The following CTTNBP2 variants were observed in gnomAD, a reference collection of about 807,000 sequenced individuals.
CTTNBP2 encodes the protein cortactin binding protein 2.
In CTTNBP2, 108 loss-of-function variants were observed where a neutral mutation model predicts 156.9. The observed-to-expected ratio is 0.69, with a 90% CI of 0.59 to 0.81. The LOEUF is 0.81. Ranked by LOEUF, CTTNBP2 falls within the 30% of genes least tolerant of loss-of-function variation. The pLI, the probability that CTTNBP2 is intolerant of heterozygous loss-of-function variation, is 0.00. For missense variants in CTTNBP2, 1,924 were observed against 2,035.4 expected, an observed-to-expected ratio of 0.95 and a Z score of 1.05; for synonymous variants, 767 against 751.8, an observed-to-expected ratio of 1.02 and a Z score of -0.33.
intron 22 of CTTNBP2, chr7:117,715,616 T>G (rs2116330430): frequency 6.6e-6 from 1 of 152,314 alleles, no homozygotes; most frequent in African/African-American, 2.4e-5. Flanking sequence ...GATTTAAATA[T>G]GTATATTTGT....
At chr7:117,785,943 A>G (rs1023582423) in intron 4 of CTTNBP2, among the ~76,000 whole-genome samples, 6 of 152,198 alleles carry the variant, frequency 3.9e-5, no homozygotes, top group Non-Finnish European at 7.4e-5. Context: ...CCCTTTAGTA[A>G]GATACAACAG....
Position 117,792,586 on chromosome 7 carries a change from T to G in CTTNBP2, c.610A>C (p.Lys204Gln). ...DVMAKLEEEK[K>Q]KTNELEEELS... ...TCCTCTTCTAATTCATTCGTCTTTT[T>G]CTTTTCCTCTTCCAGTTTGGCCATT... The change falls in exon 4 of 23, where the codon AAA (lysine) becomes CAA (glutamine). Residue 204 changes from lysine to glutamine, a missense_variant. Lys to Gln is a moderately conservative substitution (Grantham distance 53). Transcript: ENST00000160373. The surrounding 1 kb of genome is among the most constrained non-coding windows in gnomAD (Gnocchi z 4.2). The G allele has an allele frequency of 6.2e-7, 1 of 1,614,220 alleles. No individual in the cohort carries two copies. The highest frequency in any genetic ancestry group is 1.1e-5 in the South Asian group (1 of 91,080).
In CTTNBP2 at chr7:117,760,263, G is replaced by T. The variant is rs1797127224; in HGVS notation, c.3172+172C>A. 6.6e-6 allele frequency: 4 copies of T among 602,676 alleles called. No individual in the cohort carries two copies. The Admixed American group carries it at 9.1e-5, about 14-fold the overall frequency. The allele number at this position is 602,676 out of a possible 1,614,324, so 37.3% of individuals were successfully genotyped here. ...CATAAAAGCATTTTTATATTAACAGGCAACATTACATAATGGCTACATTGT... is the reference window on the plus strand; with the variant it reads ...CATAAAAGCATTTTTATATTAACAGTCAACATTACATAATGGCTACATTGT... On this transcript the variant is annotated intron_variant, in intron 10 of 22. Transcript: ENST00000160373.
intron 2 of CTTNBP2, among the ~76,000 whole-genome samples, chr7:117,854,846 T>C (rs1047732932): frequency 6.6e-6 from 1 of 152,126 alleles, no homozygotes; most frequent in African/African-American, 2.4e-5. Context: ...GTGCAGTGGC[T>C]TGATCTTGGT....
intron 3 of CTTNBP2, among the ~76,000 whole-genome samples, chr7:117,805,199 G>A (rs758266224): frequency 2.6e-5 from 4 of 152,072 alleles, no homozygotes; most frequent in Admixed American, 6.6e-5. Context: ...GTAGAGCTAT[G>A]GGGGAATACA....
intron 2 of CTTNBP2, among the ~76,000 whole-genome samples, chr7:117,818,930 T>C (rs775166350): frequency 3.9e-5 from 6 of 152,212 alleles, no homozygotes; most frequent in Non-Finnish European, 7.3e-5. Flanking sequence ...ACAAAATCTC[T>C]GTCTCCAGCT....
intron 2 of CTTNBP2, among the ~76,000 whole-genome samples, chr7:117,844,674 G>A (rs756951487): frequency 5.3e-5 from 8 of 152,090 alleles, no homozygotes; most frequent in Non-Finnish European, 1.0e-4. Context: ...GTGGATTTGA[G>A]GAAAAACTTG....
intron 2 of CTTNBP2, among the ~76,000 whole-genome samples, chr7:117,842,088 T>A (rs1802307770): frequency 6.6e-6 from 1 of 152,152 alleles, no homozygotes; most frequent in Admixed American, 6.5e-5. Context: ...CTAACCACTG[T>A]ACATACTATA....
At chr7:117,717,321 AT>A (rs796923048) in intron 22 of CTTNBP2, among the ~76,000 whole-genome samples, 6,200 of 146,054 alleles carry the variant, frequency 0.042, 381 homozygotes, top group African/African-American at 0.14. Flanking sequence ...TAAAATTGAG[AT>A]TTTTTTTTTT....
intron 2 of CTTNBP2, among the ~76,000 whole-genome samples, chr7:117,845,653 G>A (rs1802538201): frequency 6.6e-6 from 1 of 152,174 alleles, no homozygotes. Context: ...GATGACACAG[G>A]TTTTTATAAG....
chr7:117,789,128 A>G (rs1798858230), intron 4 of CTTNBP2, among the ~76,000 whole-genome samples: 1 of 152,108 alleles, frequency 6.6e-6, no homozygotes, highest in African/African-American at 2.4e-5. Flanking sequence ...AGATTAGTAA[A>G]TCTCTGTCTT....
chr7:117,791,188 G>A lies in CTTNBP2; in HGVS notation c.2008C>T (p.Pro670Ser). Residue 670 changes from proline (P) to serine (S), a missense_variant, in exon 4 of 23, where the codon CCC becomes TCC. By Grantham distance (74) the Pro-to-Ser change is moderately conservative (BLOSUM62 -1). Coordinates refer to ENST00000160373, the MANE Select transcript of CTTNBP2 (RefSeq NM_033427.3). ...GGTCTACAGGATGAGGCACTAACGGGGTTTATGGAAGAGCAAAAGGCAATG... is the reference window on the plus strand; with the variant it reads ...GGTCTACAGGATGAGGCACTAACGGAGTTTATGGAAGAGCAAAAGGCAATG... ...TTIAFCSSIN[P>S]VSASSCRPGA... 1 of 1,614,180 alleles carries A rather than the reference G, an allele frequency of 6.2e-7. No individual in the cohort carries two copies. Among genetic ancestry groups the A allele is most frequent in the East Asian group, 2.2e-5 (1 of 44,880 alleles).
chr7:117,768,354 G>T (rs564394237), intron 8 of CTTNBP2, among the ~76,000 whole-genome samples: 1 of 152,098 alleles, frequency 6.6e-6, no homozygotes, highest in South Asian at 2.1e-4. Context: ...TTGAGGTCAG[G>T]AGTTCCAGAC....
intron 2 of CTTNBP2, among the ~76,000 whole-genome samples, chr7:117,834,407 G>A (rs1263740263): frequency 6.6e-6 from 1 of 152,078 alleles, no homozygotes; most frequent in Admixed American, 6.5e-5. Flanking sequence ...TACAATTTTG[G>A]AATTTGCAAT....
intron 4 of CTTNBP2, 138 bp downstream of exon 4, chr7:117,790,990 G>T: frequency 1.4e-6 from 1 of 701,146 alleles, no homozygotes; most frequent in East Asian, 2.7e-5. Flanking sequence ...CAAAAAAAGA[G>T]AGAGAAAGAA....
chr7:117,743,858 C>G (rs1796163663), intron 14 of CTTNBP2, among the ~76,000 whole-genome samples: 1 of 137,790 alleles, frequency 7.3e-6, no homozygotes, highest in Non-Finnish European at 1.5e-5. Flanking sequence ...TCAGAAAAAA[C>G]AGCTTTCTGT....
At chr7:117,768,581 A>AAAAAAAAAAAAAAAAGAAAG (rs1554419704) in intron 8 of CTTNBP2, among the ~76,000 whole-genome samples, 11 of 99,110 alleles carry the variant, frequency 1.1e-4, no homozygotes, top group Non-Finnish European at 1.8e-4. Context: ...AAAAAAAAAA[A>AAAAAAAAAAAAAAAAGAAAG]AAAGAAAGAA....
At chr7:117,845,165 C>T (rs746926038) in intron 2 of CTTNBP2, among the ~76,000 whole-genome samples, 9 of 151,894 alleles carry the variant, frequency 5.9e-5, no homozygotes, top group Non-Finnish European at 1.3e-4. Context: ...CAAGTGAGGA[C>T]CAAGGGAATT....
chr7:117,721,833 A>G (rs1020481454), intron 19 of CTTNBP2, among the ~76,000 whole-genome samples: 2 of 152,228 alleles, frequency 1.3e-5, no homozygotes, highest in African/African-American at 4.8e-5. Context: ...ATCATGGTGT[A>G]AAATGTATTT....
Sources: allele counts gnomAD v4.1 joint callset (sites outside exome capture counted in the v4.1 genomes callset), GRCh38; gene constraint gnomAD v4.1.1; non-coding constraint Gnocchi (gnomAD v3.1); transcripts MANE v1.5; gene names NCBI Gene and HGNC (gene_info 2026-07-23, HGNC 2026-07-21).